Variants in TTLL8 observed in about 807,000 individuals in gnomAD.
TTLL8 encodes the protein tubulin tyrosine ligase like 8.
In TTLL8, 65 loss-of-function variants were observed where a neutral mutation model predicts 77.8. That is an observed-to-expected ratio of 0.84 (90% CI 0.68 to 1.03). TTLL8 has a LOEUF of 1.03. Ranked by LOEUF, TTLL8 falls within the 50% of genes least tolerant of loss-of-function variation. The pLI is 0.00. For missense variants in TTLL8, 910 were observed against 1,004.5 expected, an observed-to-expected ratio of 0.91 and a Z score of 1.27; for synonymous variants, 402 against 422.8, an observed-to-expected ratio of 0.95 and a Z score of 0.60.
chr22:50,043,442 C>CAT (rs2061387002), intron 6 of TTLL8, among the ~76,000 whole-genome samples: 1 of 21,004 alleles, frequency 4.8e-5, no homozygotes, highest in Non-Finnish European at 9.7e-5. Flanking sequence ...GGTGCCGAGA[C>CAT]GTCCTTCGGT....
At chr22:50,027,967 C>G (rs2061241679) in intron 12 of TTLL8, among the ~76,000 whole-genome samples, 1 of 152,262 alleles carries the variant, frequency 6.6e-6, no homozygotes, top group African/African-American at 2.4e-5. Flanking sequence ...CCAGCACCCA[C>G]AAGTGAGAGG....
At chr22:50,032,995 G>T in intron 10 of TTLL8, 2 of 275,288 alleles carry the variant, frequency 7.3e-6, no homozygotes, top group Non-Finnish European at 1.1e-5. Flanking sequence ...GGTGTAGGGC[G>T]CTGGCTTTGA....
chr22:50,030,438 C>T (rs1413638250), exon 12 of TTLL8: 5 of 1,332,282 alleles, frequency 3.8e-6, no homozygotes, highest in African/African-American at 1.5e-5. Flanking sequence ...ACCTTTTCCT[C>T]CGGGCGGCGG....
intron 12 of TTLL8, among the ~76,000 whole-genome samples, chr22:50,025,801 A>G (rs1213556484): frequency 6.6e-6 from 1 of 152,208 alleles, no homozygotes; most frequent in East Asian, 1.9e-4. Flanking sequence ...CAGCATGGCT[A>G]GTCACCTGAG....
chr22:50,038,888 C>T (rs763278009), intron 8 of TTLL8, among the ~76,000 whole-genome samples: 5 of 151,880 alleles, frequency 3.3e-5, no homozygotes, highest in Non-Finnish European at 7.4e-5. Context: ...TAAGTTTCAT[C>T]AATTTTTGCA....
At position 50,034,779 on chromosome 22, in the gene TTLL8, G is replaced by A. The variant is rs528020947; in HGVS notation, c.922-317C>T. 6.6e-6 allele frequency among the ~76,000 whole-genome samples: 1 copy of A among 152,172 alleles called. No homozygotes were observed. On this transcript the variant is annotated intron_variant, in intron 8 of 13. Coordinates refer to ENST00000266182, the Ensembl canonical transcript of TTLL8. This position sits in a 1 kb window ranked among gnomAD's most constrained non-coding sequence, Gnocchi z 4.1. ...AGCAGCACCCTGCCTGGGTGGAAAT[G>A]GTGGGATGCACGGGTGGGGGTGGGG...
chr22:50,030,768 A>G (rs1422401523), exon 12 of TTLL8: 1 of 1,344,856 alleles, frequency 7.4e-7, no homozygotes, highest in Non-Finnish European at 9.9e-7. Context: ...AGGGTCTGGC[A>G]TGGCCGAGGG....
In TTLL8 at chr22:50,041,752, G is replaced by C. The variant is rs368369766; in HGVS notation, c.699C>G (p.Ile233Met). 2 of 1,365,014 alleles carry C rather than the reference G, an allele frequency of 1.5e-6. No homozygotes were observed. The highest frequency in any genetic ancestry group is 2.1e-4 in the Middle Eastern group (1 of 4,762). 84.6% of individuals were successfully genotyped at this position (1,365,014 alleles called of 1,614,324 possible). Reference sequence around the variant, plus strand: ...GGTAGGCCTGGCACACCTTGCACGCGATGTCCACAAGCTGCCCCGGGAGGC... The same window carrying C: ...GGTAGGCCTGGCACACCTTGCACGCCATGTCCACAAGCTGCCCCGGGAGGC... Residue 233 changes from isoleucine (I) to methionine (M), a missense_variant, in exon 7 of 14, where the codon ATC becomes ATG. By Grantham distance (10) the Ile-to-Met change is conservative. Around this residue, in one of 2 missense-constraint regions of TTLL8, gnomAD observed 776 missense variants for 926.1 expected, o/e 0.84. Coordinates refer to ENST00000266182, the Ensembl canonical transcript of TTLL8. The surrounding 1 kb of genome is among the most constrained non-coding windows in gnomAD (Gnocchi z 4.3).
At position 50,051,289 on chromosome 22, in the gene TTLL8, T is replaced by C. The variant is rs1192075258; in HGVS notation, c.52-1042A>G. Among the ~76,000 whole-genome samples the C allele has an allele frequency of 1.4e-4, 21 of 152,264 alleles. 1 individual carries two copies. Reference sequence around the variant, plus strand: ...CCCTCTTATGAGAACAAGCGATATTTGGTTTTCCATTCCTGAGTTACTTCG... The same window carrying C: ...CCCTCTTATGAGAACAAGCGATATTCGGTTTTCCATTCCTGAGTTACTTCG... On this transcript the variant is annotated intron_variant, in intron 1 of 13. Coordinates refer to ENST00000266182, the Ensembl canonical transcript of TTLL8.
chr22:50,027,510 G>A (rs2061237277), intron 12 of TTLL8: 3 of 631,280 alleles, frequency 4.8e-6, no homozygotes, highest in Non-Finnish European at 5.9e-6. Context: ...CTCCAGCCTG[G>A]GCAACAGAAT....
upstream of TTLL8, among the ~76,000 whole-genome samples, chr22:50,057,458 GTTGGGGGATCAGGTCTGGATTGTGGGTC>G (rs2061483141): frequency 8.4e-6 from 1 of 119,758 alleles, no homozygotes. Context: ...TCAGGTCTGG[GTTGGGGGATCAGGTCTGGATTGTGGGTC>G]AGGTCTGGGT....
chr22:50,030,182 G>A (rs2061276225), intron 12 of TTLL8: 4 of 985,390 alleles, frequency 4.1e-6, no homozygotes, highest in African/African-American at 1.7e-5. Flanking sequence ...TTCTACAGAG[G>A]GGACCCCACC....
intron 9 of TTLL8, among the ~76,000 whole-genome samples, chr22:50,033,701 C>T (rs56201482): frequency 0.06 from 9,064 of 152,294 alleles, 361 homozygotes; most frequent in Middle Eastern, 0.12. Context: ...AGAGGGGACA[C>T]AGAGATCAGT....
Position 50,041,893 on chromosome 22 carries a change from G to A in TTLL8, c.644-86C>T. 8.5e-7 allele frequency: 1 copy of A among 1,180,516 alleles called. No individual in the cohort carries two copies. Among genetic ancestry groups the A allele is most frequent in the Non-Finnish European group, 1.1e-6 (1 of 906,910 alleles). 73.1% of individuals were successfully genotyped at this position (1,180,516 alleles called of 1,614,324 possible). ...TCGAGGGGTGATGTCTAAAGTCATGGACAAAGGCTGCTCCACTCCCTCTGT... is the reference window on the plus strand; with the variant it reads ...TCGAGGGGTGATGTCTAAAGTCATGAACAAAGGCTGCTCCACTCCCTCTGT... On this transcript the variant is annotated intron_variant, in intron 6 of 13. Coordinates refer to ENST00000266182, the Ensembl canonical transcript of TTLL8. The surrounding 1 kb of genome is among the most constrained non-coding windows in gnomAD (Gnocchi z 4.3).
chr22:50,056,601 A>G (rs1179152718), upstream of TTLL8, among the ~76,000 whole-genome samples: 15 of 152,230 alleles, frequency 9.9e-5, no homozygotes, highest in South Asian at 3.1e-3. The surrounding 1 kb of genome is among the most constrained non-coding windows in gnomAD (Gnocchi z 4.1). Flanking sequence ...CCGCCAGGAG[A>G]GCCCTCCACA....
At position 50,032,116 on chromosome 22, in the gene TTLL8, G is replaced by T; in HGVS notation, c.1284-7C>A. On this transcript the variant is annotated splice_region_variant and splice_polypyrimidine_tract_variant and intron_variant, in intron 10 of 13. Transcript: ENST00000266182. The stretch of plus-strand genomic sequence containing the variant: ...GTTGCACAGGTGGATGGCGCTGCAG[G>T]GGGGACGAGGGGCAGGTGCTCAGCC... 3 of 1,348,376 alleles carry T rather than the reference G, an allele frequency of 2.2e-6. No homozygotes were observed. Among genetic ancestry groups the T allele is most frequent in the Non-Finnish European group, 3.0e-6 (3 of 1,011,412 alleles). The allele number at this position is 1,348,376 out of a possible 1,614,324, so 83.5% of individuals were successfully genotyped here.
intron 3 of TTLL8, among the ~76,000 whole-genome samples, chr22:50,048,958 T>C (rs2061428539): frequency 6.6e-6 from 1 of 152,212 alleles, no homozygotes; most frequent in Non-Finnish European, 1.5e-5. Flanking sequence ...CGGGCCTCAG[T>C]GCCCTCAGCT....
Position 50,044,183 on chromosome 22 carries a change from G to A in TTLL8, c.643+1072C>T, listed in dbSNP as rs375974075. ...CTACTAAAAATACAAAACATTAGCC[G>A]GGCGTGGTGGTGGGCACCCAACTAC... On this transcript the variant is annotated intron_variant, in intron 6 of 13. Coordinates refer to ENST00000266182, the Ensembl canonical transcript of TTLL8. The surrounding 1 kb of genome is among the most constrained non-coding windows in gnomAD (Gnocchi z 4.2). Among the ~76,000 whole-genome samples, 19 of 152,122 alleles carry A rather than the reference G, an allele frequency of 1.2e-4. No individual in the cohort carries two copies. In the South Asian group the frequency reaches 2.3e-3, roughly 18 times the overall value.
intron 12 of TTLL8, among the ~76,000 whole-genome samples, chr22:50,019,445 C>T (rs1273830962): frequency 6.6e-6 from 1 of 152,134 alleles, no homozygotes; most frequent in African/African-American, 2.4e-5. Context: ...AGGTGCATGG[C>T]CAGTAGAATA....
Sources: allele counts gnomAD v4.1 joint callset (sites outside exome capture counted in the v4.1 genomes callset), GRCh38; gene constraint gnomAD v4.1.1; regional missense constraint gnomAD v4.1.1; non-coding constraint Gnocchi (gnomAD v3.1); transcripts MANE v1.5; gene names NCBI Gene and HGNC (gene_info 2026-07-23, HGNC 2026-07-21).